The following SOX6 variants were observed in gnomAD, a reference collection of about 807,000 sequenced individuals.
SOX6 encodes transcription factor SOX-6.
SOX6 carries 11 observed loss-of-function variants against 97.8 expected under a neutral mutation model. That is an observed-to-expected ratio of 0.11 (90% CI 0.07 to 0.19). SOX6 has a LOEUF of 0.19. SOX6 is among the 10% of genes least tolerant of loss of function. The pLI is 1.00. For missense variants in SOX6, 810 were observed against 1,039.5 expected (o/e 0.78, Z 3.04); for synonymous variants, 360 against 371.4 (o/e 0.97, Z 0.35).
At chr11:16,238,741 C>T (rs971595998) in intron 3 of SOX6, among the ~76,000 whole-genome samples, 8 of 152,090 alleles carry the variant, frequency 5.3e-5, no homozygotes, top group African/African-American at 1.9e-4. Flanking sequence ...TAAGCAAACA[C>T]TTATTTTCCC....
In SOX6 at chr11:16,024,279, T is replaced by A. The variant is rs558047200; in HGVS notation, c.1624-9229A>T. Among the ~76,000 whole-genome samples the A allele has an allele frequency of 1.6e-4, 24 of 152,226 alleles. No individual in the cohort carries two copies. In the East Asian group the frequency reaches 4.6e-3, roughly 29 times the overall value. ...GCAGTACTGTGAGAAAATGAATTTC[T>A]GTTGTTTAAGTCCGCTGTCTCTGGT... On this transcript the variant is annotated intron_variant, in intron 12 of 15. Transcript: ENST00000683767.
At chr11:16,154,941 G>A (rs934098476) in intron 6 of SOX6, among the ~76,000 whole-genome samples, 5 of 151,978 alleles carry the variant, frequency 3.3e-5, no homozygotes, top group East Asian at 1.9e-4. Context: ...TTTACAAGTC[G>A]TGAACCTGGT....
chr11:16,337,376 T>A (rs898507575), intron 2 of SOX6, among the ~76,000 whole-genome samples: 4 of 152,102 alleles, frequency 2.6e-5, no homozygotes, highest in Admixed American at 2.6e-4. Flanking sequence ...TAGCAGATAA[T>A]TATTACACAC....
At chr11:16,525,201 T>C (rs1281391861) in intron 4 of SOX6, among the ~76,000 whole-genome samples, 5 of 152,132 alleles carry the variant, frequency 3.3e-5, no homozygotes, top group Admixed American at 6.5e-5. Flanking sequence ...AGAACAAAGA[T>C]GGAAGCACCA....
At chr11:16,292,303 C>G (rs577768249) in intron 3 of SOX6, among the ~76,000 whole-genome samples, 2 of 151,984 alleles carry the variant, frequency 1.3e-5, no homozygotes, top group Non-Finnish European at 2.9e-5. Context: ...TTAATTATAT[C>G]CTTCAATGTA....
chr11:16,697,362 G>A (rs969001453), intron 3 of SOX6, among the ~76,000 whole-genome samples: 10 of 152,194 alleles, frequency 6.6e-5, no homozygotes, highest in Admixed American at 4.6e-4. Context: ...GGCCAGGTGC[G>A]GTGGCTCATG....
intron 13 of SOX6, among the ~76,000 whole-genome samples, chr11:16,004,148 T>C (rs182787639): frequency 1.6e-4 from 25 of 152,068 alleles, no homozygotes; most frequent in African/African-American, 5.5e-4. Context: ...ACACGCTCAT[T>C]GAATTAGAGA....
chr11:16,287,912 TTGTAA>T (rs1854800021), intron 3 of SOX6, among the ~76,000 whole-genome samples: 2 of 152,128 alleles, frequency 1.3e-5, no homozygotes, highest in Non-Finnish European at 2.9e-5. Context: ...GAAAGATGGG[TTGTAA>T]ATGAAATTTA....
At chr11:15,985,895 T>C (rs1021253901) in intron 15 of SOX6, among the ~76,000 whole-genome samples, 1 of 152,182 alleles carries the variant, frequency 6.6e-6, no homozygotes, top group African/African-American at 2.4e-5. Flanking sequence ...TTTTCCTCCC[T>C]GTGTATCTGC....
In SOX6 at chr11:15,971,510, C is replaced by T. The variant is rs1389900387; in HGVS notation, c.*1299G>A. The T allele has an allele frequency of 6.6e-6, 1 of 152,636 alleles. No individual in the cohort carries two copies. Among genetic ancestry groups the T allele is most frequent in the Non-Finnish European group, 1.5e-5 (1 of 68,072 alleles). 9.5% of individuals were successfully genotyped at this position (152,636 alleles called of 1,614,324 possible). ...GAAATGCCACTGATGCAGACCCTAC[C>T]ACTTGTGAACTGAATTAGGGGAAAA... On this transcript the variant is annotated 3_prime_UTR_variant, in exon 16 of 16. Coordinates refer to ENST00000683767, the MANE Select transcript of SOX6 (RefSeq NM_001367873.1).
intron 4 of SOX6, among the ~76,000 whole-genome samples, chr11:16,228,202 G>GA (rs35853241): frequency 0.68 from 98,851 of 145,744 alleles, 33,095 homozygotes; most frequent in East Asian, 0.76. Flanking sequence ...CATCTCAAAA[G>GA]AAAAAAAAAA....
chr11:16,497,007 G>C (rs1449654545), intron 4 of SOX6, among the ~76,000 whole-genome samples: 1 of 152,234 alleles, frequency 6.6e-6, no homozygotes, highest in Non-Finnish European at 1.5e-5. Context: ...TCTGAGAACG[G>C]ACAGACTGCC....
chr11:16,533,506 A>G (rs1213050191), intron 4 of SOX6, among the ~76,000 whole-genome samples: 1 of 152,036 alleles, frequency 6.6e-6, no homozygotes, highest in Non-Finnish European at 1.5e-5. Flanking sequence ...ACTTCTTGTC[A>G]TTCCTTTGCA....
intron 9 of SOX6, among the ~76,000 whole-genome samples, chr11:16,093,431 A>T (rs1229130468): frequency 1.3e-5 from 2 of 152,002 alleles, no homozygotes; most frequent in Non-Finnish European, 1.5e-5. Flanking sequence ...AGAGTCTTTC[A>T]ATTTTAAATA....
intron 4 of SOX6, among the ~76,000 whole-genome samples, chr11:16,490,527 G>C (rs906949448): frequency 6.6e-6 from 1 of 151,536 alleles, no homozygotes; most frequent in Non-Finnish European, 1.5e-5. Context: ...TTTTAGTTTT[G>C]GTGCAAGCAC....
intron 3 of SOX6, among the ~76,000 whole-genome samples, chr11:16,633,342 G>A (rs990898382): frequency 1.3e-5 from 2 of 152,034 alleles, no homozygotes; most frequent in Admixed American, 1.3e-4. Context: ...TAAATTTCTG[G>A]ATGTATGTTC....
At chr11:16,493,996 A>G (rs1860553662) in intron 4 of SOX6, among the ~76,000 whole-genome samples, 1 of 152,224 alleles carries the variant, frequency 6.6e-6, no homozygotes, top group East Asian at 1.9e-4. Context: ...ACACCAAAAT[A>G]TTAGAACCAA....
At chr11:16,443,958 A>G (rs1164065379) in intron 1 of SOX6, among the ~76,000 whole-genome samples, 3 of 147,756 alleles carry the variant, frequency 2.0e-5, no homozygotes. Flanking sequence ...GGTTGCAGTG[A>G]GCCGAGATCG....
intron 1 of SOX6, among the ~76,000 whole-genome samples, chr11:16,418,020 G>A (rs575007703): frequency 2.0e-5 from 3 of 152,072 alleles, no homozygotes; most frequent in South Asian, 4.2e-4. Context: ...ACGTTTCCTC[G>A]ACTACTCATC....
Sources: gnomAD v4.1 joint callset for allele counts (sites outside exome capture counted in the v4.1 genomes callset) on GRCh38, gnomAD v4.1.1 for gene constraint, MANE v1.5 for transcripts, NCBI Gene and HGNC (gene_info 2026-07-23, HGNC 2026-07-21) for gene names.